CPNE8: variants seen among roughly 807,000 people sequenced by gnomAD.
CPNE8 encodes copine-8.
Under a neutral mutation model 81.5 loss-of-function variants are expected in CPNE8, and 45 were observed. The observed-to-expected ratio is 0.55, with a 90% CI of 0.44 to 0.71. CPNE8 has a LOEUF of 0.71. CPNE8 is among the 30% of genes least tolerant of loss of function. CPNE8 has a pLI of 0.00. For missense variants in CPNE8, 594 were observed against 672.1 expected, an observed-to-expected ratio of 0.88 and a Z score of 1.28; for synonymous variants, 252 against 226.3, an observed-to-expected ratio of 1.11 and a Z score of -1.02.
chr12:38,870,857 A>G (rs971757241), intron 3 of CPNE8, among the ~76,000 whole-genome samples: 1 of 151,750 alleles, frequency 6.6e-6, no homozygotes, highest in Non-Finnish European at 1.5e-5. Flanking sequence ...GTTAAAAAAA[A>G]GAAATTCCCA....
At chr12:38,891,713 C>T (rs1168224402) in intron 1 of CPNE8, among the ~76,000 whole-genome samples, 1 of 152,174 alleles carries the variant, frequency 6.6e-6, no homozygotes, top group East Asian at 1.9e-4. Context: ...TCCCAAAGTG[C>T]TGGGATTACA....
chr12:38,874,379 C>G (rs1407636720), intron 2 of CPNE8, 92 bp downstream of exon 2: 7 of 945,012 alleles, frequency 7.4e-6, no homozygotes, highest in African/African-American at 3.3e-5. Context: ...GCTTTCTAGG[C>G]TTTAAAACAA....
At chr12:38,788,204 A>T (rs1942240609) in intron 6 of CPNE8, among the ~76,000 whole-genome samples, 1 of 152,010 alleles carries the variant, frequency 6.6e-6, no homozygotes, top group African/African-American at 2.4e-5. Flanking sequence ...ATTGATTCAA[A>T]AAACCTTAAC....
At chr12:38,812,292 T>C (rs1942950979) in intron 6 of CPNE8, among the ~76,000 whole-genome samples, 1 of 152,200 alleles carries the variant, frequency 6.6e-6, no homozygotes, top group African/African-American at 2.4e-5. Flanking sequence ...GGTATATTAA[T>C]CTGTTCTCAT....
intron 16 of CPNE8, among the ~76,000 whole-genome samples, 196 bp from the exon 17 acceptor site, chr12:38,677,750 G>C (rs1939323659): frequency 6.6e-6 from 1 of 151,688 alleles, no homozygotes; most frequent in Non-Finnish European, 1.5e-5. Flanking sequence ...GTTAGTGCAT[G>C]CTGGCACACA....
At chr12:38,788,591 T>C (rs889986617) in intron 6 of CPNE8, among the ~76,000 whole-genome samples, 2 of 151,824 alleles carry the variant, frequency 1.3e-5, no homozygotes, top group Non-Finnish European at 3.0e-5. Flanking sequence ...AACATAGTAC[T>C]GGAAGTTCTA....
intron 19 of CPNE8, among the ~76,000 whole-genome samples, chr12:38,662,636 C>T (rs901806374): frequency 6.6e-6 from 1 of 152,038 alleles, no homozygotes; most frequent in East Asian, 1.9e-4. Context: ...TAGAAAAACA[C>T]AATCCTAAAA....
At chr12:38,876,727 G>A (rs999315000) in intron 1 of CPNE8, among the ~76,000 whole-genome samples, 5 of 152,080 alleles carry the variant, frequency 3.3e-5, no homozygotes, top group Non-Finnish European at 5.9e-5. Flanking sequence ...CCTGTACTTT[G>A]GTCATATGAA....
intron 6 of CPNE8, among the ~76,000 whole-genome samples, chr12:38,786,817 A>C (rs1001009824): frequency 2.0e-5 from 3 of 152,132 alleles, no homozygotes; most frequent in Non-Finnish European, 4.4e-5. Context: ...TACCCACCTA[A>C]CAATGGAGCT....
chr12:38,709,139 T>C (rs1272723601), intron 13 of CPNE8, among the ~76,000 whole-genome samples: 19 of 152,208 alleles, frequency 1.2e-4, no homozygotes, highest in Admixed American at 1.2e-3. Context: ...TTTACCAATA[T>C]GTATTCTAGT....
chr12:38,719,883 T>C (rs1940512518), intron 13 of CPNE8, among the ~76,000 whole-genome samples: 1 of 152,238 alleles, frequency 6.6e-6, no homozygotes, highest in Non-Finnish European at 1.5e-5. Flanking sequence ...TTTTTTCATA[T>C]CCTTTACAAA....
Position 38,884,250 on chromosome 12 carries a change from G to A in CPNE8, c.99-9739C>T, listed in dbSNP as rs553084979. 2.6e-5 allele frequency among the ~76,000 whole-genome samples: 4 copies of A among 152,120 alleles called. No homozygotes were observed. The South Asian group carries it at 8.3e-4, about 32-fold the overall frequency. On this transcript the variant is annotated intron_variant, in intron 1 of 19. Coordinates refer to ENST00000331366, the MANE Select transcript of CPNE8 (RefSeq NM_153634.3). ...CTAATCTTTCTGTCTCCATGTATTT[G>A]CCTATTCTGAGCATTTCATGTAAAT... is the stretch of plus-strand genomic sequence containing the variant.
intron 6 of CPNE8, among the ~76,000 whole-genome samples, chr12:38,814,006 G>T (rs935544792): frequency 6.6e-6 from 1 of 152,152 alleles, no homozygotes; most frequent in Non-Finnish European, 1.5e-5. Context: ...CATGAAGAAT[G>T]AGTTGAAGAG....
chr12:38,818,280 C>T (rs1027379529), intron 6 of CPNE8, among the ~76,000 whole-genome samples: 11 of 152,086 alleles, frequency 7.2e-5, no homozygotes, highest in Admixed American at 4.6e-4. Flanking sequence ...TGCTCTCCCT[C>T]CCCTGGTCCC....
At chr12:38,772,181 A>T (rs75958705) in intron 7 of CPNE8, among the ~76,000 whole-genome samples, 1,973 of 152,230 alleles carry the variant, frequency 0.013, 47 homozygotes, top group African/African-American at 0.044. Context: ...CTCTGCCACA[A>T]TGTGAAACAG....
At chr12:38,787,561 A>G (rs114251608) in intron 6 of CPNE8, among the ~76,000 whole-genome samples, 297 of 151,988 alleles carry the variant, frequency 2.0e-3, no homozygotes, top group African/African-American at 6.6e-3. Context: ...GCAAGAGCAA[A>G]TCAAACACAA....
At chr12:38,677,704 C>A in intron 16 of CPNE8, 150 bp from the exon 17 acceptor site, 2 of 593,760 alleles carry the variant, frequency 3.4e-6, no homozygotes, top group Non-Finnish European at 6.0e-6. Flanking sequence ...TTCAAATACA[C>A]AATTATCTGA....
chr12:38,766,068 C>T (rs553829924), intron 8 of CPNE8, among the ~76,000 whole-genome samples: 1 of 152,226 alleles, frequency 6.6e-6, no homozygotes, highest in Non-Finnish European at 1.5e-5. Context: ...CCATGTTGAC[C>T]AGGATGGTCT....
intron 6 of CPNE8, among the ~76,000 whole-genome samples, chr12:38,799,162 T>A (rs1942588358): frequency 6.6e-6 from 1 of 152,012 alleles, no homozygotes; most frequent in Non-Finnish European, 1.5e-5. Flanking sequence ...TTAACAAGCA[T>A]ACCCGGGAAT....
Sources: gnomAD v4.1 joint callset for allele counts (sites outside exome capture counted in the v4.1 genomes callset) on GRCh38, gnomAD v4.1.1 for gene constraint, MANE v1.5 for transcripts, NCBI Gene and HGNC (gene_info 2026-07-23, HGNC 2026-07-21) for gene names.